VAV3: variants seen among roughly 807,000 people sequenced by gnomAD.
The protein encoded by VAV3 is vav guanine nucleotide exchange factor 3.
In VAV3, 94 loss-of-function variants were observed where a neutral mutation model predicts 131.2. The observed-to-expected ratio is 0.72, with a 90% CI of 0.61 to 0.85. The LOEUF is 0.85. Ranked by LOEUF, VAV3 falls within the 40% of genes least tolerant of loss-of-function variation. VAV3 has a pLI of 0.00. For synonymous variants in VAV3, 349 were observed against 342.0 expected (o/e 1.02, Z -0.22); for missense variants, 939 against 1,002.7 (o/e 0.94, Z 0.86).
At chr1:107,667,888 G>A (rs553128945) in intron 19 of VAV3, among the ~76,000 whole-genome samples, 11 of 152,130 alleles carry the variant, frequency 7.2e-5, no homozygotes, top group African/African-American at 1.9e-4. Context: ...GCTTGGAATC[G>A]TAGCATCCCA....
At chr1:107,940,995 G>GAA (rs5776908) in intron 1 of VAV3, among the ~76,000 whole-genome samples, 1 of 149,080 alleles carries the variant, frequency 6.7e-6, no homozygotes, top group Non-Finnish European at 1.5e-5. Flanking sequence ...TAGCACAATT[G>GAA]AAAAAAAAAA....
intron 19 of VAV3, chr1:107,668,580 T>A: frequency 1.1e-6 from 1 of 944,198 alleles, no homozygotes; most frequent in Non-Finnish European, 1.3e-6. Context: ...CAAAGATGAA[T>A]TTGCAGTCAT....
At chr1:107,809,934 T>A (rs756081383) in intron 2 of VAV3, among the ~76,000 whole-genome samples, 6 of 152,196 alleles carry the variant, frequency 3.9e-5, no homozygotes, top group Non-Finnish European at 8.8e-5. Context: ...TTAAGAATAG[T>A]TGAGCTACAG....
At chr1:107,850,299 T>A (rs543063948) in intron 2 of VAV3, among the ~76,000 whole-genome samples, 1 of 152,194 alleles carries the variant, frequency 6.6e-6, no homozygotes, top group East Asian at 1.9e-4. Flanking sequence ...CTATTCACAA[T>A]AGCAAAGACT....
chr1:107,624,310 T>C (rs4323742), intron 20 of VAV3, among the ~76,000 whole-genome samples: 142,312 of 151,864 alleles, frequency 0.94, 67,272 homozygotes, highest in East Asian at 1. Flanking sequence ...TGTCTTAATG[T>C]TTTTTCTCCA....
chr1:107,872,633 T>C (rs1158426995), intron 2 of VAV3, among the ~76,000 whole-genome samples: 1 of 152,124 alleles, frequency 6.6e-6, no homozygotes, highest in Admixed American at 6.6e-5. Context: ...ATGGGAAAAA[T>C]AATAGTATCC....
At chr1:107,841,525 G>C (rs1272375970) in intron 2 of VAV3, among the ~76,000 whole-genome samples, 1 of 152,102 alleles carries the variant, frequency 6.6e-6, no homozygotes, top group Non-Finnish European at 1.5e-5. Context: ...CTCCATCACT[G>C]CTTGTGGGTG....
chr1:107,772,388 C>A lies in VAV3; in HGVS notation c.555+347G>T, dbSNP rs1665098347. ...ATCAAATTTAAAGGGAAAAATTTAC[C>A]TGTGTTGTAAGAAATTTACTTTTAT... is the stretch of plus-strand genomic sequence containing the variant. On this transcript the variant is annotated intron_variant, in intron 5 of 26. Transcript: ENST00000370056. 2.6e-5 allele frequency among the ~76,000 whole-genome samples: 4 copies of A among 151,896 alleles called. 1 individual carries two copies. Among genetic ancestry groups the A allele is most frequent in the Admixed American group, 2.6e-4 (4 of 15,274 alleles).
chr1:107,752,409 A>C (rs1663793574), intron 12 of VAV3, among the ~76,000 whole-genome samples: 1 of 152,230 alleles, frequency 6.6e-6, no homozygotes, highest in Non-Finnish European at 1.5e-5. Flanking sequence ...ATGGGGAAAA[A>C]CTTTATGACA....
At chr1:107,574,597 C>T (rs1649485832) in intron 25 of VAV3, among the ~76,000 whole-genome samples, 1 of 152,188 alleles carries the variant, frequency 6.6e-6, no homozygotes, top group African/African-American at 2.4e-5. Context: ...TAACCAGCAC[C>T]TCCAAGGTAA....
intron 19 of VAV3, among the ~76,000 whole-genome samples, chr1:107,678,282 C>T (rs1197308814): frequency 2.0e-5 from 3 of 152,144 alleles, no homozygotes; most frequent in Non-Finnish European, 4.4e-5. Context: ...TACAATTATG[C>T]TCCCAATATT....
chr1:107,788,240 T>C (rs1666119707), intron 2 of VAV3, among the ~76,000 whole-genome samples: 1 of 152,070 alleles, frequency 6.6e-6, no homozygotes, highest in East Asian at 1.9e-4. Context: ...AATGTGATCA[T>C]ACCACCATTA....
At chr1:107,634,899 G>A (rs959273359) in intron 20 of VAV3, among the ~76,000 whole-genome samples, 8 of 151,974 alleles carry the variant, frequency 5.3e-5, no homozygotes, top group Non-Finnish European at 1.2e-4. Context: ...TCAGAGAAAT[G>A]CAAATCAAAA....
chr1:107,758,266 G>A (rs1664224553), intron 10 of VAV3, among the ~76,000 whole-genome samples: 2 of 151,934 alleles, frequency 1.3e-5, no homozygotes, highest in South Asian at 2.1e-4. Context: ...AGATCCTCAC[G>A]TTTTTCAAAC....
At chr1:107,871,046 A>AGTGAGTTAATC (rs1166464749) in intron 2 of VAV3, among the ~76,000 whole-genome samples, 4 of 152,310 alleles carry the variant, frequency 2.6e-5, no homozygotes, top group Admixed American at 2.6e-4. Context: ...ATTTCCAAAG[A>AGTGAGTTAATC]GTGAGTTAAT....
At chr1:107,962,612 C>T (rs1675151621) in intron 1 of VAV3, among the ~76,000 whole-genome samples, 1 of 152,160 alleles carries the variant, frequency 6.6e-6, no homozygotes, top group African/African-American at 2.4e-5. Flanking sequence ...TGTTCAGCAG[C>T]CTTGCCTCTC....
At chr1:107,668,294 T>C (rs1173878291) in intron 19 of VAV3, among the ~76,000 whole-genome samples, 1 of 152,220 alleles carries the variant, frequency 6.6e-6, no homozygotes, top group Non-Finnish European at 1.5e-5. Context: ...GTTAAAAACA[T>C]ACAATGCTTC....
chr1:107,606,803 C>CTTTTTTTTT (rs34849497), intron 22 of VAV3, among the ~76,000 whole-genome samples: 2 of 57,998 alleles, frequency 3.4e-5, no homozygotes, highest in African/African-American at 7.0e-5. Context: ...ATGGTTTCTT[C>CTTTTTTTTT]TTTTTTTTTT....
At chr1:107,681,926 C>T (rs1658659049) in intron 19 of VAV3, among the ~76,000 whole-genome samples, 1 of 152,170 alleles carries the variant, frequency 6.6e-6, no homozygotes, top group Non-Finnish European at 1.5e-5. Context: ...TCCCAAAGTG[C>T]TGGGATTACA....
Sources: gnomAD v4.1 joint callset for allele counts (sites outside exome capture counted in the v4.1 genomes callset) on GRCh38, gnomAD v4.1.1 for gene constraint, MANE v1.5 for transcripts, NCBI Gene and HGNC (gene_info 2026-07-23, HGNC 2026-07-21) for gene names.